Variants in GRID1 observed in about 807,000 individuals in gnomAD.
GRID1 encodes glutamate ionotropic receptor delta type subunit 1.
Under a neutral mutation model 98.0 loss-of-function variants are expected in GRID1, and 28 were observed. The observed-to-expected ratio is 0.29, with a 90% CI of 0.21 to 0.39. The LOEUF is 0.39. Ranked by LOEUF, GRID1 falls within the 10% of genes least tolerant of loss-of-function variation. The pLI is 1.00. For missense variants in GRID1, 1,111 were observed against 1,340.5 expected (o/e 0.83, Z 2.67); for synonymous variants, 553 against 538.5 (o/e 1.03, Z -0.37).
intron 3 of GRID1, among the ~76,000 whole-genome samples, chr10:86,143,325 A>G (rs1845035811): frequency 6.6e-6 from 1 of 152,154 alleles, no homozygotes; most frequent in African/African-American, 2.4e-5. Flanking sequence ...ACGGAACCCC[A>G]CTTCTCCCGC....
intron 4 of GRID1, among the ~76,000 whole-genome samples, chr10:86,014,636 A>G (rs913800028): frequency 6.6e-6 from 1 of 152,198 alleles, no homozygotes; most frequent in African/African-American, 2.4e-5. Context: ...CACAAAGATC[A>G]CTCGGCAAGT....
intron 11 of GRID1, among the ~76,000 whole-genome samples, chr10:85,723,500 C>T (rs890219193): frequency 6.6e-6 from 1 of 152,170 alleles, no homozygotes; most frequent in African/African-American, 2.4e-5. Flanking sequence ...TGTAAGATCC[C>T]TTTCCAATTT....
At chr10:86,338,267 G>A (rs1299507356) in intron 2 of GRID1, among the ~76,000 whole-genome samples, 3 of 142,526 alleles carry the variant, frequency 2.1e-5, no homozygotes, top group Admixed American at 1.3e-4. Context: ...GAACCAGGGT[G>A]GGCCAATCAG....
At chr10:85,820,820 T>A (rs1403481081) in intron 8 of GRID1, among the ~76,000 whole-genome samples, 3 of 152,118 alleles carry the variant, frequency 2.0e-5, no homozygotes, top group Non-Finnish European at 4.4e-5. Context: ...CTGAAGGAAA[T>A]TAAAAATCAA....
intron 5 of GRID1, among the ~76,000 whole-genome samples, chr10:85,885,230 C>T (rs1315410619): frequency 2.0e-5 from 3 of 152,188 alleles, no homozygotes; most frequent in Non-Finnish European, 4.4e-5. Flanking sequence ...TCCTCACATC[C>T]TCCCAAAAGG....
chr10:85,833,978 G>A (rs1842891721), intron 8 of GRID1, among the ~76,000 whole-genome samples: 1 of 152,056 alleles, frequency 6.6e-6, no homozygotes, highest in Non-Finnish European at 1.5e-5. Context: ...GAGCCTCAAG[G>A]GTGTATGGGA....
At chr10:85,731,981 A>G (rs999768668) in intron 8 of GRID1, among the ~76,000 whole-genome samples, 1 of 152,102 alleles carries the variant, frequency 6.6e-6, no homozygotes, top group Non-Finnish European at 1.5e-5. Context: ...AAGGAAAGGA[A>G]GAAATTGCAT....
At chr10:85,769,291 A>T (rs889649046) in intron 8 of GRID1, among the ~76,000 whole-genome samples, 1 of 152,232 alleles carries the variant, frequency 6.6e-6, no homozygotes, top group Non-Finnish European at 1.5e-5. Context: ...TCTCACTCAT[A>T]AGTGGGAGAT....
chr10:86,272,012 G>A lies in GRID1; in HGVS notation c.236-65364C>T, dbSNP rs183414750. On this transcript the variant is annotated intron_variant, in intron 2 of 15. Transcript: ENST00000327946. ...AAAATGCTCAAAATCAAGATAAAGA[G>A]AAAATCTTAAAGGCAGCCAGAGAAA... Among the ~76,000 whole-genome samples, 435 of 152,134 alleles carry A rather than the reference G, an allele frequency of 2.9e-3. 1 individual carries two copies. The highest frequency in any genetic ancestry group is 9.8e-3 in the African/African-American group (406 of 41,510).
intron 13 of GRID1, among the ~76,000 whole-genome samples, chr10:85,637,086 A>T (rs1843053376): frequency 6.6e-6 from 1 of 152,190 alleles, no homozygotes; most frequent in South Asian, 2.1e-4. Flanking sequence ...GTTTTACCAC[A>T]TTGTCAGAAA....
intron 8 of GRID1, among the ~76,000 whole-genome samples, chr10:85,838,287 A>T (rs1047303345): frequency 6.6e-6 from 1 of 152,228 alleles, no homozygotes; most frequent in African/African-American, 2.4e-5. Flanking sequence ...AGAGGTTAAC[A>T]TTCAAATTCA....
intron 8 of GRID1, among the ~76,000 whole-genome samples, chr10:85,850,146 G>A (rs1219337786): frequency 1.3e-5 from 2 of 152,128 alleles, no homozygotes; most frequent in African/African-American, 4.8e-5. Flanking sequence ...AAGGGCCTGC[G>A]AGCAGTTGGC....
chr10:85,854,660 G>C, intron 7 of GRID1, 45 bp from the exon 8 acceptor site: 2 of 1,610,598 alleles, frequency 1.2e-6, no homozygotes, highest in Non-Finnish European at 8.5e-7. Flanking sequence ...GGTTAAGGTA[G>C]AGGATGGAGT....
intron 2 of GRID1, among the ~76,000 whole-genome samples, chr10:86,314,648 G>A (rs886921791): frequency 1.3e-5 from 2 of 152,218 alleles, no homozygotes; most frequent in African/African-American, 2.4e-5. Context: ...CTGCTCACCA[G>A]AACAAGACCC....
At chr10:86,147,612 T>C (rs1845106786) in intron 3 of GRID1, among the ~76,000 whole-genome samples, 1 of 152,158 alleles carries the variant, frequency 6.6e-6, no homozygotes, top group African/African-American at 2.4e-5. Context: ...ATTCACTAAG[T>C]GGAGCTGGGG....
At chr10:85,835,147 G>T (rs185096337) in intron 8 of GRID1, among the ~76,000 whole-genome samples, 2 of 152,270 alleles carry the variant, frequency 1.3e-5, no homozygotes, top group Admixed American at 1.3e-4. Flanking sequence ...AAATGTGTAT[G>T]CTCCAAACAA....
intron 12 of GRID1, among the ~76,000 whole-genome samples, chr10:85,652,756 A>T (rs1425391298): frequency 6.6e-6 from 1 of 152,108 alleles, no homozygotes; most frequent in Non-Finnish European, 1.5e-5. Flanking sequence ...TTTCTTCCCC[A>T]GCGCCCCCCA....
At chr10:86,264,760 C>T (rs1026858249) in intron 2 of GRID1, 2 of 494,276 alleles carry the variant, frequency 4.0e-6, no homozygotes, top group East Asian at 1.2e-4. Context: ...GGCAGGCATG[C>T]GGGCAGACAG....
intron 8 of GRID1, among the ~76,000 whole-genome samples, chr10:85,759,758 T>C (rs1842130623): frequency 6.6e-6 from 1 of 152,240 alleles, no homozygotes; most frequent in Non-Finnish European, 1.5e-5. Flanking sequence ...ATTTTTAAAA[T>C]GAGTTCGGAA....
Sources: gnomAD v4.1 joint callset for allele counts (sites outside exome capture counted in the v4.1 genomes callset) on GRCh38, gnomAD v4.1.1 for gene constraint, MANE v1.5 for transcripts, NCBI Gene and HGNC (gene_info 2026-07-23, HGNC 2026-07-21) for gene names.